The following SOX6 variants were observed in gnomAD, a reference collection of about 807,000 sequenced individuals.
SOX6 encodes transcription factor SOX-6.
In SOX6, 11 loss-of-function variants were observed where a neutral mutation model predicts 97.8. The observed-to-expected ratio is 0.11, with a 90% confidence interval of 0.07 to 0.19. The LOEUF is 0.19. Ranked by LOEUF, SOX6 falls within the 10% of genes least tolerant of loss-of-function variation. SOX6 has a pLI of 1.00. For missense variants in SOX6, 810 were observed against 1,039.5 expected (o/e 0.78, Z 3.04); for synonymous variants, 360 against 371.4 (o/e 0.97, Z 0.35).
At chr11:16,241,142 T>C (rs915504550) in intron 3 of SOX6, among the ~76,000 whole-genome samples, 1 of 152,082 alleles carries the variant, frequency 6.6e-6, no homozygotes, top group Non-Finnish European at 1.5e-5. Context: ...CATAATGCTT[T>C]ATTTTGTTTG....
intron 3 of SOX6, among the ~76,000 whole-genome samples, chr11:16,616,802 A>G (rs1443772297): frequency 3.3e-5 from 5 of 151,904 alleles, no homozygotes; most frequent in African/African-American, 1.2e-4. Context: ...CAAATTGTAT[A>G]CATTTCTAAA....
intron 1 of SOX6, among the ~76,000 whole-genome samples, chr11:16,426,128 C>T (rs1183841432): frequency 4.0e-5 from 6 of 150,826 alleles, no homozygotes; most frequent in Non-Finnish European, 7.4e-5. Flanking sequence ...TGGTGGTGGG[C>T]GCCTGTAATC....
chr11:16,508,755 A>T (rs1376447442), intron 4 of SOX6, among the ~76,000 whole-genome samples: 1 of 152,114 alleles, frequency 6.6e-6, no homozygotes, highest in Non-Finnish European at 1.5e-5. Context: ...AGAAGGGAAA[A>T]GTTCTATGTT....
At chr11:16,580,915 A>G (rs1816291987) in intron 4 of SOX6, among the ~76,000 whole-genome samples, 1 of 152,194 alleles carries the variant, frequency 6.6e-6, no homozygotes, top group Admixed American at 6.5e-5. Context: ...CACGCCAGAC[A>G]GAATAGCGAT....
At chr11:16,136,284 A>G (rs1054310543) in intron 6 of SOX6, among the ~76,000 whole-genome samples, 1 of 150,348 alleles carries the variant, frequency 6.7e-6, no homozygotes, top group Non-Finnish European at 1.5e-5. Flanking sequence ...TCCCAAGATC[A>G]TTAGCATTTT....
chr11:16,308,792 T>G (rs1855511880), intron 3 of SOX6, among the ~76,000 whole-genome samples: 2 of 152,176 alleles, frequency 1.3e-5, no homozygotes, highest in Non-Finnish European at 2.9e-5. Context: ...CTAACAAACC[T>G]AGTAATCACA....
intron 1 of SOX6, among the ~76,000 whole-genome samples, chr11:16,419,468 A>T (rs1030591093): frequency 6.6e-6 from 1 of 152,150 alleles, no homozygotes; most frequent in Non-Finnish European, 1.5e-5. Flanking sequence ...CTTTGAAAAC[A>T]AAATCAAGAC....
At chr11:15,993,649 A>G (rs1426466171) in intron 13 of SOX6, among the ~76,000 whole-genome samples, 1 of 152,238 alleles carries the variant, frequency 6.6e-6, no homozygotes, top group Admixed American at 6.5e-5. Flanking sequence ...AACTTCCCCT[A>G]GAAGGCTCAA....
Position 16,234,574 on chromosome 11 carries a change from T to C in SOX6, c.535+8A>G, listed in dbSNP as rs1241578540. ...GCATTGACATGTTCGATATATTTTA[T>C]GTTGTACCTTTAATTTCTCCAAGAA... On this transcript the variant is annotated splice_region_variant and intron_variant, in intron 4 of 15. Transcript: ENST00000683767. The C allele has an allele frequency of 6.7e-7, 1 of 1,498,658 alleles. No individual in the cohort carries two copies. Among genetic ancestry groups the C allele is most frequent in the Admixed American group, 1.7e-5 (1 of 58,922 alleles). The allele number at this position is 1,498,658 out of a possible 1,614,324, so 92.8% of individuals were successfully genotyped here. A position where few individuals can be genotyped will look rare whatever the true frequency, so the allele number is the denominator to read the frequency against.
At chr11:16,452,566 C>T (rs1779649096) in intron 1 of SOX6, among the ~76,000 whole-genome samples, 1 of 152,106 alleles carries the variant, frequency 6.6e-6, no homozygotes, top group Non-Finnish European at 1.5e-5. Flanking sequence ...TTGAAGTTTT[C>T]TTCAGTAGTT....
chr11:16,664,821 G>A (rs1382952670), intron 3 of SOX6, among the ~76,000 whole-genome samples: 1 of 151,848 alleles, frequency 6.6e-6, no homozygotes, highest in Non-Finnish European at 1.5e-5. Context: ...AGAGCAAAGG[G>A]TAAAGAGTAC....
chr11:16,273,541 C>A (rs1396981667), intron 3 of SOX6, among the ~76,000 whole-genome samples: 1 of 151,864 alleles, frequency 6.6e-6, no homozygotes, highest in Non-Finnish European at 1.5e-5. Flanking sequence ...CTACATGTCA[C>A]CTCAGCTGAG....
chr11:16,087,263 A>G (rs912782767), intron 9 of SOX6, among the ~76,000 whole-genome samples: 2 of 152,208 alleles, frequency 1.3e-5, no homozygotes, highest in Non-Finnish European at 2.9e-5. Context: ...ATGTGTACAC[A>G]TATAATATTA....
intron 4 of SOX6, among the ~76,000 whole-genome samples, chr11:16,532,115 T>C (rs1192552024): frequency 1.3e-5 from 2 of 151,912 alleles, no homozygotes; most frequent in South Asian, 2.1e-4. Flanking sequence ...TTTTATATTA[T>C]CCATTCGTAA....
chr11:16,211,136 TAGA>T (rs1203135851), intron 4 of SOX6, among the ~76,000 whole-genome samples: 2 of 152,030 alleles, frequency 1.3e-5, no homozygotes, highest in African/African-American at 2.4e-5. Flanking sequence ...GGGAGATTAA[TAGA>T]AGATGAAATT....
At chr11:16,020,596 C>G (rs1855026059) in intron 12 of SOX6, among the ~76,000 whole-genome samples, 3 of 152,072 alleles carry the variant, frequency 2.0e-5, no homozygotes, top group African/African-American at 7.2e-5. Context: ...AATAATAATA[C>G]CACGATCATC....
chr11:16,479,443 T>TC (rs1860306049), upstream of SOX6, among the ~76,000 whole-genome samples: 1 of 150,880 alleles, frequency 6.6e-6, no homozygotes, highest in Non-Finnish European at 1.5e-5. Context: ...GACATGAGAA[T>TC]CACTTGAACC....
At chr11:16,038,977 T>C (rs1177328563) in intron 12 of SOX6, among the ~76,000 whole-genome samples, 2 of 152,154 alleles carry the variant, frequency 1.3e-5, no homozygotes, top group Non-Finnish European at 2.9e-5. Flanking sequence ...TCTGAGAAGC[T>C]GTTTTGTTTA....
intron 12 of SOX6, among the ~76,000 whole-genome samples, chr11:16,040,746 G>A (rs1855639537): frequency 6.6e-6 from 1 of 152,030 alleles, no homozygotes. Flanking sequence ...TGAGATGATG[G>A]AAAGGAAATG....
Sources: gnomAD v4.1 joint callset for allele counts (sites outside exome capture counted in the v4.1 genomes callset) on GRCh38, gnomAD v4.1.1 for gene constraint, MANE v1.5 for transcripts, NCBI Gene and HGNC (gene_info 2026-07-23, HGNC 2026-07-21) for gene names.